CTNND2: variants seen among roughly 807,000 people sequenced by gnomAD.
The protein encoded by CTNND2 is catenin delta-2.
CTNND2 carries 22 observed loss-of-function variants against 144.4 expected under a neutral mutation model. The ratio of observed to expected loss-of-function variants is 0.15; its 90% CI spans 0.11 to 0.22. The LOEUF is 0.22. CTNND2 is among the 10% of genes least tolerant of loss of function. The probability of loss-of-function intolerance (pLI) is 1.00; values close to 1 mark genes in which losing one functional copy is unlikely to be tolerated. For synonymous variants in CTNND2, 751 were observed against 695.6 expected (o/e 1.08, Z -1.25); for missense variants, 1,353 against 1,618.8 (o/e 0.84, Z 2.82).
At chr5:11,656,669 T>C (rs1445554021) in intron 2 of CTNND2, among the ~76,000 whole-genome samples, 1 of 152,100 alleles carries the variant, frequency 6.6e-6, no homozygotes, top group Non-Finnish European at 1.5e-5. Context: ...CTCTCTCTTA[T>C]CGCAGGTGAG....
At chr5:11,216,605 G>T (rs1739227012) in intron 10 of CTNND2, among the ~76,000 whole-genome samples, 1 of 152,232 alleles carries the variant, frequency 6.6e-6, no homozygotes, top group Non-Finnish European at 1.5e-5. Context: ...TGGGATGTTA[G>T]CCCAGTGAGA....
intron 3 of CTNND2, among the ~76,000 whole-genome samples, chr5:11,424,643 T>G (rs942804373): frequency 1.3e-5 from 2 of 152,020 alleles, no homozygotes; most frequent in African/African-American, 4.8e-5. Context: ...GTCATAAAAA[T>G]CTATAGTTAT....
At position 11,904,216 on chromosome 5, in the gene CTNND2, G is replaced by A. The variant is rs1305477327; in HGVS notation, c.-363C>T. Among the ~76,000 whole-genome samples, 3 of 145,294 alleles carry A rather than the reference G, an allele frequency of 2.1e-5. No homozygotes were observed. The highest frequency in any genetic ancestry group is 4.6e-5 in the Non-Finnish European group (3 of 65,450). Reference sequence around the variant, plus strand: ...CGCCCGCAGCTCCGCTCAGCCGGCTGTCGCCGCGGGCGCGAGCCTGGGGCC... The same window carrying A: ...CGCCCGCAGCTCCGCTCAGCCGGCTATCGCCGCGGGCGCGAGCCTGGGGCC... On this transcript the variant is annotated 5_prime_UTR_variant, in exon 1 of 22. Transcript: ENST00000304623. The surrounding 1 kb of genome is among the most constrained non-coding windows in gnomAD (Gnocchi z 4.2).
intron 5 of CTNND2, among the ~76,000 whole-genome samples, chr5:11,397,840 C>T (rs140880549): frequency 5.9e-5 from 9 of 152,280 alleles, no homozygotes; most frequent in East Asian, 1.9e-4. Context: ...ATTCATGCCA[C>T]GCATGTAGCT....
chr5:11,512,943 T>A (rs550117708), intron 3 of CTNND2, among the ~76,000 whole-genome samples: 148 of 152,352 alleles, frequency 9.7e-4, no homozygotes, highest in Non-Finnish European at 1.8e-3. Flanking sequence ...AAATCTCACG[T>A]CCTTCCTTTG....
chr5:11,175,144 T>C (rs1043141085), intron 11 of CTNND2, among the ~76,000 whole-genome samples: 1 of 152,134 alleles, frequency 6.6e-6, no homozygotes, highest in Non-Finnish European at 1.5e-5. Flanking sequence ...TACATAGTAA[T>C]TTCTCTGTAT....
At chr5:11,440,739 C>T (rs31831) in intron 3 of CTNND2, among the ~76,000 whole-genome samples, 35,030 of 152,110 alleles carry the variant, frequency 0.23, 7,926 homozygotes, top group African/African-American at 0.59. Flanking sequence ...ATAGTTATGA[C>T]AAGGTAGTTT....
chr5:11,287,377 C>T (rs1663956262), intron 9 of CTNND2, among the ~76,000 whole-genome samples: 1 of 152,206 alleles, frequency 6.6e-6, no homozygotes, highest in Admixed American at 6.5e-5. Flanking sequence ...TCCAGCCCTG[C>T]TGACCTACCC....
intron 1 of CTNND2, among the ~76,000 whole-genome samples, chr5:11,897,195 G>GTAAAA (rs1300793260): frequency 1.3e-5 from 2 of 152,200 alleles, no homozygotes; most frequent in Non-Finnish European, 2.9e-5. Flanking sequence ...AGCTACCAAA[G>GTAAAA]AGGTTGCTCT....
intron 3 of CTNND2, among the ~76,000 whole-genome samples, chr5:11,473,126 T>C (rs761217652): frequency 1.6e-4 from 24 of 152,260 alleles, no homozygotes; most frequent in Admixed American, 3.3e-4. Context: ...CTGTAGAAAA[T>C]ACAAATCGGA....
chr5:11,067,452 A>G (rs1747736748), intron 16 of CTNND2, among the ~76,000 whole-genome samples: 1 of 152,332 alleles, frequency 6.6e-6, no homozygotes, highest in African/African-American at 2.4e-5. Flanking sequence ...AGCTTCAAAG[A>G]AACCATGGGC....
In CTNND2 at chr5:11,449,467, C is replaced by G. The variant is rs76891929; in HGVS notation, c.288-37398G>C. 5.3e-5 allele frequency among the ~76,000 whole-genome samples: 8 copies of G among 152,242 alleles called. No individual in the cohort carries two copies. In the South Asian group the frequency reaches 1.2e-3, roughly 24 times the overall value. ...GATTTGGATCAGTCTTTCATCAAGA[C>G]GCTAGTTGTCTCCTACCTAACATGA... On this transcript the variant is annotated intron_variant, in intron 3 of 21. Transcript: ENST00000304623.
intron 2 of CTNND2, among the ~76,000 whole-genome samples, chr5:11,640,122 AT>A (rs1446769505): frequency 3.9e-5 from 6 of 152,240 alleles, no homozygotes; most frequent in Admixed American, 3.9e-4. Flanking sequence ...AAAAAGACAT[AT>A]GCTTTCATCA....
intron 3 of CTNND2, among the ~76,000 whole-genome samples, chr5:11,438,000 C>A (rs1371284459): frequency 2.0e-5 from 3 of 152,152 alleles, no homozygotes; most frequent in Non-Finnish European, 2.9e-5. Flanking sequence ...CTTAACTCAG[C>A]ATTCTCAGGG....
chr5:11,472,610 A>C (rs1767336767), intron 3 of CTNND2, among the ~76,000 whole-genome samples: 1 of 152,158 alleles, frequency 6.6e-6, no homozygotes, highest in South Asian at 2.1e-4. Flanking sequence ...AATCTTAGGA[A>C]ATTTTGGTTG....
chr5:11,003,184 T>A (rs946698875), intron 18 of CTNND2, among the ~76,000 whole-genome samples: 34 of 150,014 alleles, frequency 2.3e-4, no homozygotes, highest in South Asian at 6.3e-4. Context: ...TCAAGTCTAA[T>A]TTTTTTTTTA....
intron 12 of CTNND2, among the ~76,000 whole-genome samples, chr5:11,129,287 A>G (rs143744314): frequency 1.3e-5 from 1 of 74,158 alleles, no homozygotes; most frequent in African/African-American, 5.1e-5. Flanking sequence ...ATTATATAAA[A>G]ATATATAATA....
At chr5:11,649,322 A>G (rs1251778803) in intron 2 of CTNND2, among the ~76,000 whole-genome samples, 1 of 152,040 alleles carries the variant, frequency 6.6e-6, no homozygotes, top group African/African-American at 2.4e-5. Context: ...TGTTATTTTT[A>G]TTTTTATTTT....
intron 1 of CTNND2, among the ~76,000 whole-genome samples, chr5:11,782,413 G>GA (rs56308909): frequency 0.98 from 148,943 of 152,262 alleles, 72,923 homozygotes; most frequent in East Asian, 1. Flanking sequence ...GATAGAAGGA[G>GA]ATTAAACCTA....
Sources: allele counts gnomAD v4.1 joint callset (sites outside exome capture counted in the v4.1 genomes callset), GRCh38; gene constraint gnomAD v4.1.1; non-coding constraint Gnocchi (gnomAD v3.1); transcripts MANE v1.5; gene names NCBI Gene and HGNC (gene_info 2026-07-23, HGNC 2026-07-21).